Variants in HLX observed in about 807,000 individuals in gnomAD.
HLX encodes H2.0 like homeobox, also known as H2.0-like homeobox protein.
In HLX, 6 loss-of-function variants were observed where a neutral mutation model predicts 27.7. The observed-to-expected ratio is 0.22, with a 90% CI of 0.12 to 0.43. The LOEUF (loss-of-function observed/expected upper bound fraction) is 0.43. Ranked by LOEUF, HLX falls within the 20% of genes least tolerant of loss-of-function variation. The probability of loss-of-function intolerance (pLI) is 1.00; values close to 1 mark genes in which losing one functional copy is unlikely to be tolerated. For missense variants in HLX, 666 were observed against 655.2 expected, an observed-to-expected ratio of 1.02 and a Z score of -0.18; for synonymous variants, 328 against 293.8, an observed-to-expected ratio of 1.12 and a Z score of -1.19.
rs926940564 is a variant in HLX, at chr1:220,879,677, C to G, written c.-181C>G. On this transcript the variant is annotated 5_prime_UTR_variant, in exon 1 of 4. Transcript: ENST00000366903. ...AGGCGGTGACCGGCCGAGATCCGGCCCTCGCCTCCTCCCTCGGTGGCGCTA... is the reference window on the plus strand; with the variant it reads ...AGGCGGTGACCGGCCGAGATCCGGCGCTCGCCTCCTCCCTCGGTGGCGCTA... The G allele has an allele frequency of 6.1e-6, 6 of 988,482 alleles. No individual in the cohort carries two copies. The highest frequency in any genetic ancestry group is 8.4e-6 in the Non-Finnish European group (6 of 717,336). 61.2% of individuals were successfully genotyped at this position (988,482 alleles called of 1,614,324 possible). A position where few individuals can be genotyped will look rare whatever the true frequency, so the allele number is the denominator to read the frequency against.
chr1:220,882,724 G>T (rs924406852), intron 3 of HLX: 47 of 196,350 alleles, frequency 2.4e-4, no homozygotes, highest in Admixed American at 5.3e-5. Flanking sequence ...AAACCCAAAG[G>T]CAAGAGATTG....
rs1432816254 is a variant in HLX at position 220,880,269 on chromosome 1, C to T, written c.412C>T (p.Pro138Ser). The T allele has an allele frequency of 6.2e-7, 1 of 1,613,250 alleles. No homozygotes were observed. The highest frequency in any genetic ancestry group is 1.3e-5 in the African/African-American group (1 of 74,932). ...QQQQQPQQQQ[P>S]PPPPRAGALQ... Reference sequence around the variant, plus strand: ...GCAGCAACAGCCGCAGCAGCAACAGCCTCCGCCTCCGCCCCGGGCTGGCGC... The same window carrying T: ...GCAGCAACAGCCGCAGCAGCAACAGTCTCCGCCTCCGCCCCGGGCTGGCGC... Residue 138 changes from proline (P) to serine (S), a missense_variant, in exon 1 of 4, where the codon CCT becomes TCT. Coordinates refer to ENST00000366903, the MANE Select transcript of HLX (RefSeq NM_021958.4).
intron 1 of HLX, chr1:220,880,663 A>G: frequency 1.7e-6 from 1 of 605,892 alleles, no homozygotes; most frequent in Non-Finnish European, 2.9e-6. Flanking sequence ...GGGATTCTTT[A>G]AAAACACGTC....
rs182881175 is a variant in HLX, at chr1:220,880,157, G to A, written c.300G>A (p.Ala100=). Residue 100 remains alanine, a synonymous_variant, in exon 1 of 4, where the codon GCG becomes GCA. Transcript: ENST00000366903. ...CGCTTCGACCCACCCCAGTGGTGGC[G>A]CCCTCCGAAGTCCCGGCTGGCTTCC... ...RSPLRPTPVV[A]PSEVPAGFPQ... 1.3e-4 allele frequency: 214 copies of A among 1,612,342 alleles called. No individual in the cohort carries two copies. Among genetic ancestry groups the A allele is most frequent in the Admixed American group, 1.3e-3 (76 of 59,956 alleles).
rs114878580 is a variant in HLX, at chr1:220,880,995, C to T, written c.593-199C>T. 4 of 617,378 alleles carry T rather than the reference C, an allele frequency of 6.5e-6. No homozygotes were observed. The East Asian group carries it at 8.3e-5, about 13-fold the overall frequency. 38.2% of individuals were successfully genotyped at this position (617,378 alleles called of 1,614,324 possible). ...TACTTACTATATACATGCATATGGA[C>T]GTGAGGGACACACAGGAACTTTTCG... On this transcript the variant is annotated intron_variant, in intron 1 of 3. Transcript: ENST00000366903.
chr1:220,879,939 G>A lies in HLX; in HGVS notation c.82G>A (p.Gly28Ser), dbSNP rs768788680. 4 of 1,598,272 alleles carry A rather than the reference G, an allele frequency of 2.5e-6. No individual in the cohort carries two copies. In the East Asian group the frequency reaches 6.7e-5, roughly 27 times the overall value. ...CGCTTACTGCTCCTCGGCCGGCCCAGGCGGCTGCTCCTTCCCCTTGGACCC... is the reference window on the plus strand; with the variant it reads ...CGCTTACTGCTCCTCGGCCGGCCCAAGCGGCTGCTCCTTCCCCTTGGACCC... ...SAAYCSSAGP[G>S]GCSFPLDPAA... The change falls in exon 1 of 4, where the codon GGC becomes AGC. Residue 28 changes from glycine to serine, a missense_variant. By Grantham distance (56) the Gly-to-Ser change is moderately conservative. Coordinates refer to ENST00000366903, the MANE Select transcript of HLX (RefSeq NM_021958.4).
rs757460950 is a variant in HLX, at chr1:220,880,284, C to G, written c.427C>G (p.Arg143Gly). 6.2e-7 allele frequency: 1 copy of G among 1,613,342 alleles called. No individual in the cohort carries two copies. Among genetic ancestry groups the G allele is most frequent in the Non-Finnish European group, 8.5e-7 (1 of 1,179,500 alleles). ...GCAGCAACAGCCTCCGCCTCCGCCCCGGGCTGGCGCCCTGCAGCCCCCGGC... is the reference window on the plus strand; with the variant it reads ...GCAGCAACAGCCTCCGCCTCCGCCCGGGGCTGGCGCCCTGCAGCCCCCGGC... ...PQQQQPPPPP[R>G]AGALQPPASG... The change falls in exon 1 of 4, where the codon CGG (arginine) becomes GGG (glycine). Residue 143 changes from arginine (R) to glycine (G), a missense_variant. Arg to Gly is a moderately radical substitution (Grantham distance 125, BLOSUM62 -2). Coordinates refer to ENST00000366903, the MANE Select transcript of HLX (RefSeq NM_021958.4).
rs778481886 is a variant in HLX, at chr1:220,880,299, C to A, written c.442C>A (p.Gln148Lys). ...PPPPPRAGAL[Q>K]PPASGTRVVP... ...GCCTCCGCCCCGGGCTGGCGCCCTGCAGCCCCCGGCCTCGGGGACGCGAGT... is the reference window on the plus strand; with the variant it reads ...GCCTCCGCCCCGGGCTGGCGCCCTGAAGCCCCCGGCCTCGGGGACGCGAGT... Residue 148 changes from glutamine (Q) to lysine (K), a missense_variant, in exon 1 of 4, where the codon CAG (glutamine) becomes AAG (lysine). Transcript: ENST00000366903. 9.9e-6 allele frequency: 16 copies of A among 1,613,224 alleles called. No individual in the cohort carries two copies. The highest frequency in any genetic ancestry group is 1.3e-5 in the Non-Finnish European group (15 of 1,179,548).
intron 1 of HLX, 200 bp from the exon 2 acceptor site, chr1:220,880,994 A>G: frequency 1.6e-6 from 1 of 616,646 alleles, no homozygotes; most frequent in Non-Finnish European, 3.0e-6. Context: ...ATGCATATGG[A>G]CGTGAGGGAC....
At chr1:220,883,895 G>A (rs1674511257) in intron 3 of HLX, 1 of 468,854 alleles carries the variant, frequency 2.1e-6, no homozygotes, top group East Asian at 3.7e-5. Context: ...GTTGGGGGTC[G>A]GGTGCAGGAA....
At chr1:220,883,845 C>T (rs1272000586) in intron 3 of HLX, 1 of 302,362 alleles carries the variant, frequency 3.3e-6, no homozygotes, top group Admixed American at 4.7e-5. Context: ...GGGGTCCTGG[C>T]ATAAAAAAAT....
chr1:220,884,281 C>T lies in HLX; in HGVS notation c.1044C>T (p.Gly348=), dbSNP rs1674518831. Residue 348 remains glycine, a synonymous_variant, in exon 4 of 4, where the codon GGC becomes GGT. Coordinates refer to ENST00000366903, the MANE Select transcript of HLX (RefSeq NM_021958.4). The surrounding 1 kb of genome is among the most constrained non-coding windows in gnomAD (Gnocchi z 4.9). ...QAQKDKDKEA[G]EKPSGGAPAA... ...AAAAGGACAAGGACAAGGAGGCTGG[C>T]GAGAAGCCATCAGGTGGAGCCCCGG... 1.9e-6 allele frequency: 3 copies of T among 1,613,656 alleles called. No homozygotes were observed. The highest frequency in any genetic ancestry group is 2.2e-5 in the South Asian group (2 of 91,026).
At chr1:220,881,586 C>T in intron 2 of HLX, 1 of 615,574 alleles carries the variant, frequency 1.6e-6, no homozygotes, top group South Asian at 1.9e-5. Context: ...GCCTGGAGAT[C>T]CCAGAAAGTG....
Position 220,880,179 on chromosome 1 carries a change from T to C in HLX, c.322T>C (p.Phe108Leu). The C allele has an allele frequency of 1.2e-6, 2 of 1,612,852 alleles. No individual in the cohort carries two copies. Among genetic ancestry groups the C allele is most frequent in the Non-Finnish European group, 1.7e-6 (2 of 1,179,568 alleles). Residue 108 changes from phenylalanine (F) to leucine (L), a missense_variant, in exon 1 of 4, where the codon TTC becomes CTC. Physicochemically the swap from Phe to Leu is conservative, Grantham distance 22. Transcript: ENST00000366903. The stretch of plus-strand genomic sequence containing the variant: ...GGCGCCCTCCGAAGTCCCGGCTGGC[T>C]TCCCGCAGCGGCTGTCTCCGCTCTC... ...VVAPSEVPAG[F>L]PQRLSPLSAA...
Position 220,882,359 on chromosome 1 carries a change from T to C in HLX, c.957+11T>C. 2 of 1,613,724 alleles carry C rather than the reference T, an allele frequency of 1.2e-6. No individual in the cohort carries two copies. The highest frequency in any genetic ancestry group is 1.7e-6 in the Non-Finnish European group (2 of 1,179,864). ...CTCACGGACGCACAGGTAAGGCAGT[T>C]CTGGCTCCAGCGCACAGCGCCCTCG... On this transcript the variant is annotated intron_variant, in intron 3 of 3. Coordinates refer to ENST00000366903, the MANE Select transcript of HLX (RefSeq NM_021958.4).
rs748782059 is a variant in HLX at position 220,880,212 on chromosome 1, T to A, written c.355T>A (p.Tyr119Asn). 6.2e-7 allele frequency: 1 copy of A among 1,612,404 alleles called. No homozygotes were observed. Among genetic ancestry groups the A allele is most frequent in the Non-Finnish European group, 8.5e-7 (1 of 1,178,888 alleles). The change falls in exon 1 of 4, where the codon TAC (tyrosine) becomes AAC (asparagine). Residue 119 changes from tyrosine (Y) to asparagine (N), a missense_variant. Tyr to Asn is a moderately radical substitution (Grantham distance 143). Transcript: ENST00000366903. ...GCGGCTGTCTCCGCTCTCAGCCGCC[T>A]ACCACCACCATCACCCGCAACAACA... ...PQRLSPLSAA[Y>N]HHHHPQQQQQ...
At position 220,884,503 on chromosome 1, in the gene HLX, G is replaced by A. The variant is rs769159332; in HGVS notation, c.1266G>A (p.Gly422=). 1.9e-6 allele frequency: 3 copies of A among 1,613,940 alleles called. No individual in the cohort carries two copies. The highest frequency in any genetic ancestry group is 2.5e-6 in the Non-Finnish European group (3 of 1,179,926). ...TGALITASSA[G]SGGSSGGGGN... ...CCCTCATTACCGCCAGCAGTGCTGGGAGTGGTGGGAGCAGCGGCGGCGGCG... is the reference window on the plus strand; with the variant it reads ...CCCTCATTACCGCCAGCAGTGCTGGAAGTGGTGGGAGCAGCGGCGGCGGCG... Residue 422 remains glycine (G), a synonymous_variant, in exon 4 of 4, where the codon GGG becomes GGA. Transcript: ENST00000366903. The surrounding 1 kb of genome is among the most constrained non-coding windows in gnomAD (Gnocchi z 4.9).
chr1:220,880,587 G>T, intron 1 of HLX, 138 bp downstream of exon 1: 1 of 916,712 alleles, frequency 1.1e-6, no homozygotes, highest in South Asian at 1.4e-5. Context: ...CGAATTGTAA[G>T]AAAACTACAA....
Position 220,882,235 on chromosome 1 carries a change from G to C in HLX, c.844G>C (p.Val282Leu). Residue 282 changes from valine to leucine, a missense_variant, in exon 3 of 4, where the codon GTG (valine) becomes CTG (leucine). Transcript: ENST00000366903. ...YKRKRSWSRA[V>L]FSNLQRKGLE... ...AAGGAAGCGTTCATGGTCGCGCGCT[G>C]TGTTCTCCAACCTGCAGAGGAAAGG... 6.2e-7 allele frequency: 1 copy of C among 1,614,238 alleles called. No individual in the cohort carries two copies. Among genetic ancestry groups the C allele is most frequent in the Non-Finnish European group, 8.5e-7 (1 of 1,180,034 alleles).
Sources: allele counts gnomAD v4.1 joint callset, GRCh38; gene constraint gnomAD v4.1.1; non-coding constraint Gnocchi (gnomAD v3.1); transcripts MANE v1.5; gene names NCBI Gene and HGNC (gene_info 2026-07-23, HGNC 2026-07-21).